Variants in DLG1 observed in about 807,000 individuals in gnomAD.
DLG1 encodes discs large MAGUK scaffold protein 1, also known as disks large homolog 1.
A neutral mutation model predicts 123.4 loss-of-function variants in DLG1; 42 were observed. That is an observed-to-expected ratio of 0.34 (90% CI 0.27 to 0.44). The LOEUF (loss-of-function observed/expected upper bound fraction) is 0.44. Among genes scored for constraint, DLG1 ranks in the 20% least tolerant of loss-of-function variants. DLG1 has a pLI of 1.00. For missense variants in DLG1, 942 were observed against 1,082.6 expected (o/e 0.87, Z 1.82); for synonymous variants, 317 against 356.2 (o/e 0.89, Z 1.24).
Position 197,076,595 on chromosome 3 carries a change from C to T in DLG1, c.1996G>A (p.Asp666Asn), listed in dbSNP as rs1206523012. ...GGATCCACATACTTACGGTCAGCATCACTTGTTTCCTGCTCACTCTGGTCC... is the reference window on the plus strand; with the variant it reads ...GGATCCACATACTTACGGTCAGCATTACTTGTTTCCTGCTCACTCTGGTCC... ...NKDQSEQETS[D>N]ADQHVTSNAS... The change falls in exon 18 of 25, where the codon GAT becomes AAT. Residue 666 changes from aspartate to asparagine, a missense_variant. Transcript: ENST00000667157. 1 of 1,611,380 alleles carries T rather than the reference C, an allele frequency of 6.2e-7. No individual in the cohort carries two copies. The highest frequency in any genetic ancestry group is 2.2e-5 in the East Asian group (1 of 44,722).
At chr3:197,189,151 G>A (rs1717802522) in intron 5 of DLG1, among the ~76,000 whole-genome samples, 1 of 152,114 alleles carries the variant, frequency 6.6e-6, no homozygotes, top group South Asian at 2.1e-4. Flanking sequence ...CTGACTTCTG[G>A]TAATCCATCC....
chr3:197,060,907 C>A (rs769167048), intron 22 of DLG1, among the ~76,000 whole-genome samples: 2 of 150,808 alleles, frequency 1.3e-5, no homozygotes, highest in Non-Finnish European at 2.9e-5. Flanking sequence ...CTTACTGCAA[C>A]TTCCGCCTGC....
chr3:197,045,409 A>G (rs1229089436), intron 24 of DLG1, among the ~76,000 whole-genome samples: 3 of 152,196 alleles, frequency 2.0e-5, no homozygotes, highest in Non-Finnish European at 4.4e-5. Context: ...ATCGCTAGAC[A>G]GCACTAAGCA....
intron 4 of DLG1, among the ~76,000 whole-genome samples, chr3:197,241,091 G>A (rs928969594): frequency 6.6e-6 from 1 of 151,916 alleles, no homozygotes; most frequent in Non-Finnish European, 1.5e-5. Context: ...ATTACCCAAA[G>A]GCATATAATA....
chr3:197,172,042 C>A (rs1369944091), intron 5 of DLG1, among the ~76,000 whole-genome samples: 2 of 152,158 alleles, frequency 1.3e-5, no homozygotes, highest in East Asian at 3.8e-4. Flanking sequence ...CACACATTTT[C>A]TATTGTTTCT....
chr3:197,287,828 G>A (rs1344533219), intron 3 of DLG1, among the ~76,000 whole-genome samples: 2 of 152,072 alleles, frequency 1.3e-5, no homozygotes, highest in Non-Finnish European at 2.9e-5. Flanking sequence ...CTTAAGGTAT[G>A]GTGAATTGGT....
At chr3:197,133,070 T>C (rs1323187224) in intron 10 of DLG1, among the ~76,000 whole-genome samples, 1 of 152,236 alleles carries the variant, frequency 6.6e-6, no homozygotes, top group East Asian at 1.9e-4. Context: ...GTTTCTTTGG[T>C]GGCCTACAAT....
At chr3:197,179,172 TC>T (rs1173676566) in intron 5 of DLG1, among the ~76,000 whole-genome samples, 1 of 152,160 alleles carries the variant, frequency 6.6e-6, no homozygotes, top group Admixed American at 6.5e-5. Flanking sequence ...AGAGCTGCAA[TC>T]CGGATGGTCT....
At chr3:197,198,543 T>C (rs1223669637) in intron 4 of DLG1, among the ~76,000 whole-genome samples, 1 of 147,698 alleles carries the variant, frequency 6.8e-6, no homozygotes, top group Admixed American at 6.7e-5. Flanking sequence ...ACAAATAATA[T>C]ATTTCATAAG....
chr3:197,117,350 C>G (rs1773879989), intron 12 of DLG1, among the ~76,000 whole-genome samples: 3 of 152,184 alleles, frequency 2.0e-5, no homozygotes, highest in Non-Finnish European at 2.9e-5. Context: ...TCCCAAGTAA[C>G]TGAAAGCAGT....
chr3:197,045,037 A>G (rs562400384), intron 24 of DLG1, among the ~76,000 whole-genome samples: 1 of 151,940 alleles, frequency 6.6e-6, no homozygotes, highest in East Asian at 1.9e-4. Context: ...AACTTTCCTG[A>G]TTTCTCCATA....
intron 4 of DLG1, among the ~76,000 whole-genome samples, chr3:197,276,665 C>T (rs1023056051): frequency 7.2e-5 from 11 of 152,020 alleles, no homozygotes; most frequent in East Asian, 1.9e-4. Flanking sequence ...AAAATTAATC[C>T]TTTTTCATAT....
intron 4 of DLG1, among the ~76,000 whole-genome samples, chr3:197,204,398 T>C (rs1727474602): frequency 6.6e-6 from 1 of 152,222 alleles, no homozygotes; most frequent in Non-Finnish European, 1.5e-5. Flanking sequence ...CAAACTGTTT[T>C]CAAATGGGGT....
At position 197,136,619 on chromosome 3, in the gene DLG1, T is replaced by C. The variant is rs1424577122; in HGVS notation, c.943A>G (p.Ile315Val). The change falls in exon 10 of 25, where the codon ATC becomes GTC. Residue 315 changes from isoleucine to valine, a missense_variant. Physicochemically the swap from Ile to Val is conservative, Grantham distance 29. Transcript: ENST00000667157. ...CCTTCAATTATTTTGGTTACATAGA[T>C]GCTATTATCCCCAGGAATATGCTGA... ...GNQHIPGDNS[I>V]YVTKIIEGGA... 1 of 1,613,630 alleles carries C rather than the reference T, an allele frequency of 6.2e-7. No homozygotes were observed.
rs144593326 is a variant in DLG1 at position 197,285,021 on chromosome 3, T to C, written c.152-2176A>G. ...CAACAGAAGAGGCCAGAATCATTCT[T>C]ATCTATTAAAAAAAAAAAAAAAAAA... On this transcript the variant is annotated intron_variant, in intron 3 of 24. Coordinates refer to ENST00000667157, the MANE Select transcript of DLG1 (RefSeq NM_001366207.1). Among the ~76,000 whole-genome samples, 54 of 140,538 alleles carry C rather than the reference T, an allele frequency of 3.8e-4. 1 individual carries two copies. In the East Asian group the frequency reaches 0.011, roughly 28 times the overall value. 92.2% of individuals were successfully genotyped at this position (140,538 alleles called of 152,430 possible).
At chr3:197,236,673 G>C (rs1337257477) in intron 4 of DLG1, among the ~76,000 whole-genome samples, 1 of 152,148 alleles carries the variant, frequency 6.6e-6, no homozygotes, top group Admixed American at 6.5e-5. Flanking sequence ...ACAGGGGAAA[G>C]CTACAGCTGC....
At chr3:197,124,401 A>G (rs533168928) in intron 11 of DLG1, among the ~76,000 whole-genome samples, 5 of 152,040 alleles carry the variant, frequency 3.3e-5, no homozygotes, top group South Asian at 4.2e-4. Context: ...TAGCCTCCCG[A>G]GTAGTGGGGA....
intron 14 of DLG1, among the ~76,000 whole-genome samples, chr3:197,101,238 T>C (rs1763266601): frequency 6.6e-6 from 1 of 152,216 alleles, no homozygotes; most frequent in African/African-American, 2.4e-5. Flanking sequence ...CTTGGTCTCT[T>C]TATGGAAGAG....
At chr3:197,055,895 G>C (rs1376196672) in intron 23 of DLG1, among the ~76,000 whole-genome samples, 1 of 152,214 alleles carries the variant, frequency 6.6e-6, no homozygotes, top group African/African-American at 2.4e-5. Context: ...GCACCTCCAT[G>C]ATCAGAAGCA....
Sources: allele counts gnomAD v4.1 joint callset (sites outside exome capture counted in the v4.1 genomes callset), GRCh38; gene constraint gnomAD v4.1.1; transcripts MANE v1.5; gene names NCBI Gene and HGNC (gene_info 2026-07-23, HGNC 2026-07-21).